TAB2: variants seen among roughly 807,000 people sequenced by gnomAD.
TAB2 encodes TGF-beta-activated kinase 1 and MAP3K7-binding protein 2.
A neutral mutation model predicts 65.0 loss-of-function variants in TAB2; 3 were observed. The observed-to-expected ratio is 0.05, with a 90% CI of 0.02 to 0.12. TAB2 has a LOEUF of 0.12. TAB2 is among the 10% of genes least tolerant of loss of function. The pLI is 1.00. For missense variants in TAB2, 623 were observed against 840.3 expected, an observed-to-expected ratio of 0.74 and a Z score of 3.20; for synonymous variants, 298 against 285.1, an observed-to-expected ratio of 1.05 and a Z score of -0.46.
intron 3 of TAB2, among the ~76,000 whole-genome samples, chr6:149,384,707 C>G (rs2114906808): frequency 6.6e-6 from 1 of 152,282 alleles, no homozygotes; most frequent in Admixed American, 6.5e-5. Flanking sequence ...TGAAAACTAT[C>G]ATTCAGCATA....
chr6:149,347,160 T>G (rs1780333349), intron 1 of TAB2: 1 of 152,248 alleles, frequency 6.6e-6, no homozygotes. Flanking sequence ...TGCACTTTTC[T>G]TGATCCTTAG....
intron 1 of TAB2, among the ~76,000 whole-genome samples, chr6:149,303,313 CT>C (rs1447764460): frequency 1.3e-5 from 2 of 152,218 alleles, no homozygotes; most frequent in Non-Finnish European, 2.9e-5. Context: ...GTCCCATAGT[CT>C]GTGGAAAAAC....
rs77348081 is a variant in TAB2, at chr6:149,296,987, A to G, written c.-121+78211A>G. ...GAAGCTTCAAGAATAACACAATAAA[A>G]TCTAGATATTCTTTACTTAGATTCA... is the stretch of plus-strand genomic sequence containing the variant. On this transcript the variant is annotated intron_variant, in intron 1 of 1. Transcript: ENST00000606202. Among the ~76,000 whole-genome samples, 24 of 152,244 alleles carry G rather than the reference A, an allele frequency of 1.6e-4. No homozygotes were observed. In the East Asian group the frequency reaches 4.2e-3, roughly 27 times the overall value.
At chr6:149,228,064 C>T (rs1777321698) in intron 1 of TAB2, among the ~76,000 whole-genome samples, 1 of 152,098 alleles carries the variant, frequency 6.6e-6, no homozygotes, top group Non-Finnish European at 1.5e-5. Flanking sequence ...ACCACCCTAT[C>T]TGATCAACAC....
In TAB2 at chr6:149,396,412, C is replaced by A. The variant is rs549576694; in HGVS notation, c.1604-1192C>A. On this transcript the variant is annotated intron_variant, in intron 3 of 6. Coordinates refer to ENST00000637181, the MANE Select transcript of TAB2 (RefSeq NM_001292034.3). The stretch of plus-strand genomic sequence containing the variant: ...CTGTGCATTCTGGGTAACATTCTTA[C>A]ATCTATCTGACAGGTCACCAACTGT... Among the ~76,000 whole-genome samples, 8 of 152,338 alleles carry A rather than the reference C, an allele frequency of 5.3e-5. No homozygotes were observed. The South Asian group carries it at 1.4e-3, about 28-fold the overall frequency.
At chr6:149,335,355 CATAT>C (rs936406814) in intron 1 of TAB2, among the ~76,000 whole-genome samples, 1 of 150,570 alleles carries the variant, frequency 6.6e-6, no homozygotes, top group Non-Finnish European at 1.5e-5. Flanking sequence ...GTATATATAA[CATAT>C]ATATAATATT....
chr6:149,240,269 G>A (rs905529586), intron 1 of TAB2, among the ~76,000 whole-genome samples: 3 of 152,178 alleles, frequency 2.0e-5, no homozygotes, highest in Non-Finnish European at 4.4e-5. Flanking sequence ...GGCTCAAGAG[G>A]AGGGGAAGGG....
chr6:149,369,598 A>C (rs1781153286), intron 1 of TAB2, among the ~76,000 whole-genome samples: 1 of 152,250 alleles, frequency 6.6e-6, no homozygotes, highest in Non-Finnish European at 1.5e-5. Flanking sequence ...AATCAGTGAT[A>C]CTATTTCTTC....
chr6:149,363,386 C>G (rs1780919656), intron 1 of TAB2, among the ~76,000 whole-genome samples: 1 of 152,190 alleles, frequency 6.6e-6, no homozygotes, highest in Non-Finnish European at 1.5e-5. Context: ...ATGGTTACCT[C>G]TACAGAGTAG....
rs565764208 is a variant in TAB2, at chr6:149,406,361, A to C, written c.1940-3216A>C. Among the ~76,000 whole-genome samples the C allele has an allele frequency of 3.3e-5, 5 of 152,348 alleles. No individual in the cohort carries two copies. The South Asian group carries it at 1.0e-3, about 32-fold the overall frequency. Reference sequence around the variant, plus strand: ...TGAACAGGACACCCTAAAAAAATGTATGGTTACTGTCATTGAGAAATTCAG... The same window carrying C: ...TGAACAGGACACCCTAAAAAAATGTCTGGTTACTGTCATTGAGAAATTCAG... On this transcript the variant is annotated intron_variant, in intron 6 of 6. Transcript: ENST00000637181.
At chr6:149,316,678 G>T (rs1779259916), upstream of TAB2, among the ~76,000 whole-genome samples, 1 of 151,994 alleles carries the variant, frequency 6.6e-6, no homozygotes, top group Non-Finnish European at 1.5e-5. Context: ...TAAGGAGGTA[G>T]AAACTTGAAG....
intron 1 of TAB2, among the ~76,000 whole-genome samples, chr6:149,358,673 T>TGTGTGTGTG (rs71010863): frequency 1.3e-5 from 2 of 150,914 alleles, no homozygotes; most frequent in Non-Finnish European, 3.0e-5. Flanking sequence ...TGTGTGTGTG[T>TGTGTGTGTG]TTTCAGTATA....
chr6:149,344,439 G>A lies in TAB2; in HGVS notation c.-89-25470G>A, dbSNP rs554520042. On this transcript the variant is annotated intron_variant, in intron 1 of 6. Transcript: ENST00000637181. ...TTGTGGAGAAGGTAATGTTTCTGCTGAACCATGAAGGATAAATAGAATTCT... is the reference window on the plus strand; with the variant it reads ...TTGTGGAGAAGGTAATGTTTCTGCTAAACCATGAAGGATAAATAGAATTCT... Among the ~76,000 whole-genome samples the A allele has an allele frequency of 7.4e-3, 1,123 of 152,276 alleles. 11 individuals are homozygous for A. Among genetic ancestry groups the A allele is most frequent in the African/African-American group, 0.026 (1,084 of 41,548 alleles).
intron 1 of TAB2, among the ~76,000 whole-genome samples, chr6:149,273,145 A>C (rs1302418569): frequency 1.3e-5 from 2 of 152,080 alleles, no homozygotes; most frequent in East Asian, 1.9e-4. Flanking sequence ...GCTGTTAAAC[A>C]TCCTACAAGA....
At chr6:149,306,553 G>A (rs535108974) in intron 1 of TAB2, among the ~76,000 whole-genome samples, 9 of 90,414 alleles carry the variant, frequency 1.0e-4, no homozygotes, top group South Asian at 4.0e-4. Context: ...GCAAGACTCC[G>A]TCTCAAAAAA....
At chr6:149,226,589 C>T (rs17798399) in intron 1 of TAB2, among the ~76,000 whole-genome samples, 38,164 of 152,158 alleles carry the variant, frequency 0.25, 5,392 homozygotes, top group Admixed American at 0.38. Flanking sequence ...TGAGCCTCCT[C>T]GGGAACAAGT....
At chr6:149,394,089 C>G (rs1173281393) in intron 3 of TAB2, among the ~76,000 whole-genome samples, 3 of 151,910 alleles carry the variant, frequency 2.0e-5, no homozygotes, top group East Asian at 3.9e-4. Flanking sequence ...TAGACTGATA[C>G]TGTTCTGCAA....
chr6:149,353,178 C>T (rs1331531526), intron 1 of TAB2, among the ~76,000 whole-genome samples: 1 of 152,096 alleles, frequency 6.6e-6, no homozygotes, highest in African/African-American at 2.4e-5. Flanking sequence ...AACTCATTAT[C>T]AGGTTTGAGT....
At chr6:149,268,007 A>G (rs1046037631) in intron 1 of TAB2, among the ~76,000 whole-genome samples, 3 of 152,188 alleles carry the variant, frequency 2.0e-5, no homozygotes, top group Non-Finnish European at 4.4e-5. Flanking sequence ...AAATATGAAA[A>G]TCAAAAGCTA....
Sources: gnomAD v4.1 joint callset for allele counts (sites outside exome capture counted in the v4.1 genomes callset) on GRCh38, gnomAD v4.1.1 for gene constraint, MANE v1.5 for transcripts, NCBI Gene and HGNC (gene_info 2026-07-23, HGNC 2026-07-21) for gene names.